Variants in UBE3C observed in about 807,000 individuals in gnomAD.
UBE3C encodes ubiquitin-protein ligase E3C.
In UBE3C, 42 loss-of-function variants were observed where a neutral mutation model predicts 129.4. The ratio of observed to expected loss-of-function variants is 0.32; its 90% CI spans 0.25 to 0.42. UBE3C has a LOEUF of 0.42. Among genes scored for constraint, UBE3C ranks in the 10% least tolerant of loss-of-function variants. The pLI is 1.00. For synonymous variants in UBE3C, 510 were observed against 492.4 expected, an observed-to-expected ratio of 1.04 and a Z score of -0.47; for missense variants, 1,049 against 1,319.1, an observed-to-expected ratio of 0.80 and a Z score of 3.17.
At chr7:157,248,336 G>A (rs377067062) in intron 18 of UBE3C, 32 bp from the exon 19 acceptor site, 11 of 1,586,396 alleles carry the variant, frequency 6.9e-6, no homozygotes, top group East Asian at 6.7e-5. Flanking sequence ...TTGTATATTC[G>A]ATGCTAACGT....
intron 1 of UBE3C, among the ~76,000 whole-genome samples, chr7:157,160,445 C>T (rs1156637462): frequency 6.6e-6 from 1 of 152,040 alleles, no homozygotes; most frequent in African/African-American, 2.4e-5. Context: ...TGTTTGTGAC[C>T]AGTGATGCTG....
At chr7:157,238,978 G>T (rs761855495) in intron 18 of UBE3C, among the ~76,000 whole-genome samples, 26 of 152,208 alleles carry the variant, frequency 1.7e-4, no homozygotes, top group Non-Finnish European at 1.3e-4. Flanking sequence ...CTGAGAAGTG[G>T]CCATGTCATT....
At position 157,139,235 on chromosome 7, in the gene UBE3C, CGCG is replaced by C; in HGVS notation, c.-31_-29del. On this transcript the variant is annotated 5_prime_UTR_variant, in exon 1 of 23. Coordinates refer to ENST00000348165, the MANE Select transcript of UBE3C (RefSeq NM_014671.3). ...CGTGCCCCGCCCGCCCGGCTGCTTC[CGCG>C]GCGGCGCTGCCCGCACATGGGCTAG... 7.0e-7 allele frequency: 1 copy of C among 1,437,810 alleles called. No homozygotes were observed. The allele number at this position is 1,437,810 out of a possible 1,614,324, so 89.1% of individuals were successfully genotyped here.
At chr7:157,157,461 C>T (rs1441636615) in intron 1 of UBE3C, among the ~76,000 whole-genome samples, 2 of 152,150 alleles carry the variant, frequency 1.3e-5, no homozygotes, top group Non-Finnish European at 2.9e-5. Flanking sequence ...TTAGACGCTG[C>T]ACTGTGCAGG....
In UBE3C at chr7:157,231,125, A is replaced by T. The variant is rs1203708244; in HGVS notation, c.2279A>T (p.His760Leu). ...KRIRVHLLNA[H>L]GLDEAGIDGG... ...ATCCGTGTGCACTTGCTCAATGCCC[A>T]TGGCCTGGATGAAGCTGGCATTGAT... Residue 760 changes from histidine to leucine, a missense_variant, in exon 18 of 23, where the codon CAT (histidine) becomes CTT (leucine). This residue lies in a region of UBE3C where 314 missense variants were observed against 416.9 expected (regional missense o/e 0.75). Transcript: ENST00000348165. 6.2e-7 allele frequency: 1 copy of T among 1,613,962 alleles called. No homozygotes were observed. Among genetic ancestry groups the T allele is most frequent in the African/African-American group, 1.3e-5 (1 of 74,866 alleles).
intron 8 of UBE3C, among the ~76,000 whole-genome samples, chr7:157,182,693 A>C (rs559672065): frequency 1.3e-5 from 2 of 152,110 alleles, no homozygotes; most frequent in African/African-American, 4.8e-5. Flanking sequence ...ATACATACAT[A>C]CATGCATGAA....
chr7:157,220,980 T>C, intron 15 of UBE3C: 1 of 524,994 alleles, frequency 1.9e-6, no homozygotes, highest in East Asian at 3.4e-5. Flanking sequence ...CCCATTTCTG[T>C]TTTGTCCTGT....
chr7:157,209,276 TAGC>T (rs946362904), intron 13 of UBE3C, among the ~76,000 whole-genome samples: 6 of 152,324 alleles, frequency 3.9e-5, no homozygotes, highest in African/African-American at 1.4e-4. Flanking sequence ...GCATGAGCAT[TAGC>T]AGCAGCAGCC....
rs1189868658 is a variant in UBE3C at position 157,225,054 on chromosome 7, AC to A, written c.2101-350del. On this transcript the variant is annotated intron_variant, in intron 16 of 22. Transcript: ENST00000348165. ...TTTTGAGACAGAGATTCACTCTGTC[AC>A]CCAGGCCTGAGTGCAGTGGCGCCTG... Among the ~76,000 whole-genome samples, 4 of 152,032 alleles carry A rather than the reference AC, an allele frequency of 2.6e-5. No individual in the cohort carries two copies. The East Asian group carries it at 7.7e-4, about 29-fold the overall frequency.
At position 157,186,945 on chromosome 7, in the gene UBE3C, G is replaced by A. The variant is rs1586672916; in HGVS notation, c.1255G>A (p.Glu419Lys). The change falls in exon 10 of 23, where the codon GAG becomes AAG. Residue 419 changes from glutamate (E) to lysine (K), a missense_variant. This residue lies in a region of UBE3C where 489 missense variants were observed against 513.8 expected (regional missense o/e 0.95). Coordinates refer to ENST00000348165, the MANE Select transcript of UBE3C (RefSeq NM_014671.3). ...LNLVWRDSAS[E>K]EVFTTMASVC... The stretch of plus-strand genomic sequence containing the variant: ...CCTGGTGTGGAGGGACTCTGCGAGC[G>A]AGGAGGTCTTCACCACCATGGCCTC... 1.2e-6 allele frequency: 2 copies of A among 1,613,784 alleles called. No individual in the cohort carries two copies. Among genetic ancestry groups the A allele is most frequent in the Non-Finnish European group, 1.7e-6 (2 of 1,179,872 alleles).
intron 18 of UBE3C, among the ~76,000 whole-genome samples, chr7:157,240,555 T>C (rs776999014): frequency 5.9e-5 from 9 of 152,114 alleles, no homozygotes; most frequent in Non-Finnish European, 1.2e-4. Context: ...CTGACTAGGA[T>C]GTAGAGTCAG....
At chr7:157,162,256 G>A (rs1201570256) in intron 1 of UBE3C, among the ~76,000 whole-genome samples, 3 of 151,520 alleles carry the variant, frequency 2.0e-5, no homozygotes, top group African/African-American at 7.3e-5. Flanking sequence ...GTGCAGTGGC[G>A]TGATCTTGGC....
At chr7:157,145,784 G>A (rs763571954) in intron 1 of UBE3C, among the ~76,000 whole-genome samples, 2 of 151,560 alleles carry the variant, frequency 1.3e-5, no homozygotes, top group Non-Finnish European at 1.5e-5. Flanking sequence ...AGTGGTTTAC[G>A]GTTTACAGAA....
chr7:157,168,882 C>T (rs1467348145), intron 2 of UBE3C, among the ~76,000 whole-genome samples, 166 bp from the exon 3 acceptor site: 2 of 152,128 alleles, frequency 1.3e-5, no homozygotes, highest in Non-Finnish European at 2.9e-5. Context: ...GGTTGCATAG[C>T]TCTTAATATA....
At chr7:157,189,840 G>A (rs772164081) in intron 10 of UBE3C, among the ~76,000 whole-genome samples, 8 of 152,034 alleles carry the variant, frequency 5.3e-5, no homozygotes, top group Admixed American at 1.3e-4. Context: ...TTGCCTTGTC[G>A]CCCAGGCTGG....
chr7:157,268,351 T>C lies in UBE3C; in HGVS notation c.*596T>C, dbSNP rs1797134509. 6.5e-6 allele frequency: 1 copy of C among 152,724 alleles called. No individual in the cohort carries two copies. The highest frequency in any genetic ancestry group is 6.5e-5 in the Admixed American group (1 of 15,288). 9.5% of individuals were successfully genotyped at this position (152,724 alleles called of 1,614,324 possible). A position where few individuals can be genotyped will look rare whatever the true frequency, so the allele number is the denominator to read the frequency against. ...ATTTCCCCAAATGGGACTAGCATGC[T>C]TGTTTTCAGTATACCGTGGCCTGCC... On this transcript the variant is annotated 3_prime_UTR_variant, in exon 23 of 23. Transcript: ENST00000348165.
At chr7:157,215,986 C>T (rs1363807945) in intron 13 of UBE3C, among the ~76,000 whole-genome samples, 16 of 152,146 alleles carry the variant, frequency 1.1e-4, no homozygotes. Context: ...CAGAGAGGAA[C>T]TGTTCTGAAA....
intron 1 of UBE3C, among the ~76,000 whole-genome samples, chr7:157,159,749 G>A (rs919310213): frequency 5.9e-5 from 9 of 152,124 alleles, no homozygotes; most frequent in African/African-American, 1.2e-4. Context: ...TGGTAATCCC[G>A]GCGGCGGAGG....
chr7:157,228,866 C>T lies in UBE3C; in HGVS notation c.2234-2214C>T, dbSNP rs552629061. Among the ~76,000 whole-genome samples, 7 of 152,312 alleles carry T rather than the reference C, an allele frequency of 4.6e-5. No individual in the cohort carries two copies. The South Asian group carries it at 8.3e-4, about 18-fold the overall frequency. ...TCATAGACTATTTACACTCCAGGTA[C>T]GGTAACTTCAAAATTACTGACACGT... On this transcript the variant is annotated intron_variant, in intron 17 of 22. Coordinates refer to ENST00000348165, the MANE Select transcript of UBE3C (RefSeq NM_014671.3).
Sources: allele counts gnomAD v4.1 joint callset (sites outside exome capture counted in the v4.1 genomes callset), GRCh38; gene constraint gnomAD v4.1.1; regional missense constraint gnomAD v4.1.1; transcripts MANE v1.5; gene names NCBI Gene and HGNC (gene_info 2026-07-23, HGNC 2026-07-21).